LAMP2: variants seen among roughly 807,000 people sequenced by gnomAD.
LAMP2 encodes the protein lysosome associated membrane protein 2, also known as lysosome-associated membrane glycoprotein 2.
In LAMP2, 4 loss-of-function variants were observed where a neutral mutation model predicts 25.6. The observed-to-expected ratio is 0.16, with a 90% CI of 0.08 to 0.36. LAMP2 has a LOEUF of 0.36. Among genes scored for constraint, LAMP2 ranks in the 10% least tolerant of loss-of-function variants. The pLI is 1.00. For missense variants in LAMP2, 272 were observed against 301.4 expected, an observed-to-expected ratio of 0.90 and a Z score of 0.72; for synonymous variants, 108 against 112.7, an observed-to-expected ratio of 0.96 and a Z score of 0.27.
chrX:120,448,930 T>C (rs2058609579), intron 4 of LAMP2, 40 bp downstream of exon 4: 8 of 1,152,783 alleles, frequency 6.9e-6, no homozygotes, highest in Non-Finnish European at 9.5e-6. Flanking sequence ...ACTCTACTCT[T>C]AAATTAGGAT....
chrX:120,451,895 C>T (rs2058622822), intron 3 of LAMP2, among the ~76,000 whole-genome samples: 1 of 112,129 alleles, frequency 8.9e-6, no homozygotes, highest in South Asian at 3.7e-4. Flanking sequence ...AAAAAGTAAT[C>T]CTCCCTTTGT....
intron 8 of LAMP2, among the ~76,000 whole-genome samples, chrX:120,434,683 C>A (rs1316491874): frequency 1.8e-5 from 2 of 111,988 alleles, no homozygotes; most frequent in Non-Finnish European, 3.8e-5. Context: ...TCCATGGCCA[C>A]TAAAATTTCA....
At chrX:120,464,450 A>G (rs1344716648) in intron 1 of LAMP2, among the ~76,000 whole-genome samples, 1 of 111,746 alleles carries the variant, frequency 8.9e-6, no homozygotes, top group Non-Finnish European at 1.9e-5. Context: ...AGTACATAAG[A>G]TCGTCTCTGC....
chrX:120,453,299 G>A (rs1348866905), intron 3 of LAMP2, among the ~76,000 whole-genome samples: 2 of 111,672 alleles, frequency 1.8e-5, no homozygotes, highest in African/African-American at 3.3e-5. Context: ...CAAATTTTAC[G>A]TGAGCTTATT....
intron 8 of LAMP2, among the ~76,000 whole-genome samples, chrX:120,431,861 C>A (rs1321291574): frequency 8.9e-6 from 1 of 112,070 alleles, no homozygotes; most frequent in Non-Finnish European, 1.9e-5. Flanking sequence ...TATTAACTCA[C>A]TGAATGAACA....
At chrX:120,448,129 GT>G (rs1273686089) in intron 4 of LAMP2, 104 bp from the exon 5 acceptor site, 5 of 666,626 alleles carry the variant, frequency 7.5e-6, no homozygotes, top group Non-Finnish European at 1.2e-5. Context: ...GTCCAAAAGG[GT>G]TATATTAGGG....
chrX:120,433,556 T>C (rs1264556943), intron 8 of LAMP2, among the ~76,000 whole-genome samples: 1 of 111,226 alleles, frequency 9.0e-6, no homozygotes, highest in South Asian at 3.8e-4. Context: ...CAATCTGGGG[T>C]CACTTAGTAA....
Position 120,429,161 on chromosome X carries a change from C to T in LAMP2, c.*2162G>A, listed in dbSNP as rs767123866. On this transcript the variant is annotated 3_prime_UTR_variant, in exon 9 of 9. Coordinates refer to ENST00000200639, the MANE Select transcript of LAMP2 (RefSeq NM_002294.3). The stretch of plus-strand genomic sequence containing the variant: ...GTGTATATATATGTGTGTGTGTGTA[C>T]ATATATATATATATACACACACACA... The T allele has an allele frequency of 1.9e-3, 1,245 of 644,253 alleles. 13 individuals carry two copies. In the African/African-American group the frequency reaches 0.033, roughly 17 times the overall value. 53.1% of individuals were successfully genotyped at this position (644,253 alleles called of 1,213,427 possible).
At chrX:120,437,511 C>T (rs2058550812) in intron 8 of LAMP2, 1 of 748,800 alleles carries the variant, frequency 1.3e-6, no homozygotes, top group African/African-American at 2.3e-5. Flanking sequence ...CCAACACACA[C>T]CAAAAAAGTT....
Position 120,428,592 on chromosome X carries a change from A to G in LAMP2, c.*2731T>C. On this transcript the variant is annotated 3_prime_UTR_variant, in exon 9 of 9. Transcript: ENST00000200639. ...CCACACCCACTGCAACAGGAATAAG[A>G]AAGTTGAGGTCAGAGTCAGCAGAAC... The G allele has an allele frequency of 8.3e-7, 1 of 1,198,557 alleles. No individual in the cohort carries two copies. Among genetic ancestry groups the G allele is most frequent in the Non-Finnish European group, 1.1e-6 (1 of 889,279 alleles).
rs1360650138 is a variant in LAMP2, at chrX:120,428,415, T to C, written c.*2908A>G. On this transcript the variant is annotated 3_prime_UTR_variant, in exon 9 of 9. Transcript: ENST00000200639. ...CTTAAACAATCTATTGCACAGCATG[T>C]CCTGGCTTTTAGCCAATGGAAACGT... 1.8e-6 allele frequency: 2 copies of C among 1,119,817 alleles called. No homozygotes were observed. The highest frequency in any genetic ancestry group is 3.8e-5 in the African/African-American group (2 of 53,173). 92.3% of individuals were successfully genotyped at this position (1,119,817 alleles called of 1,213,427 possible).
At chrX:120,436,170 A>ACACACTCT (rs1251901451) in intron 8 of LAMP2, among the ~76,000 whole-genome samples, 92 of 57,289 alleles carry the variant, frequency 1.6e-3, no homozygotes, top group African/African-American at 4.4e-3. Context: ...ACACACACAC[A>ACACACTCT]CTCTCTCTCT....
At position 120,426,899 on chromosome X, in the gene LAMP2, T is replaced by C. The variant is rs1020326522; in HGVS notation, c.*4424A>G. ...GAGCTATAGAGTTCTAGAGGAGTTGTAGTTGAGCAATCTAACTTTCTACTC... is the reference window on the plus strand; with the variant it reads ...GAGCTATAGAGTTCTAGAGGAGTTGCAGTTGAGCAATCTAACTTTCTACTC... On this transcript the variant is annotated 3_prime_UTR_variant, in exon 9 of 9. Transcript: ENST00000200639. 2.7e-5 allele frequency among the ~76,000 whole-genome samples: 3 copies of C among 112,583 alleles called. No individual in the cohort carries two copies. The highest frequency in any genetic ancestry group is 9.4e-5 in the Admixed American group (1 of 10,622).
In LAMP2 at chrX:120,429,146, A is replaced by ATG. The variant is rs1343759570; in HGVS notation, c.*2175_*2176dup. The ATG allele has an allele frequency of 3.5e-5, 24 of 678,109 alleles. No homozygotes were observed. Among genetic ancestry groups the ATG allele is most frequent in the African/African-American group, 1.9e-4 (7 of 36,111 alleles). 55.9% of individuals were successfully genotyped at this position (678,109 alleles called of 1,213,427 possible). On this transcript the variant is annotated 3_prime_UTR_variant, in exon 9 of 9. Transcript: ENST00000200639. The stretch of plus-strand genomic sequence containing the variant: ...TATATATATGTGTGTGTGTATATAT[A>ATG]TGTGTGTGTGTGTACATATATATAT...
At chrX:120,441,572 T>C (rs961600607) in intron 8 of LAMP2, among the ~76,000 whole-genome samples, 158 bp downstream of exon 8, 4 of 112,476 alleles carry the variant, frequency 3.6e-5, no homozygotes, top group Admixed American at 9.4e-5. Context: ...AACATCTCGG[T>C]TGAGCAAAAT....
rs747301460 is a variant in LAMP2, at chrX:120,431,417, G to A, written c.1139C>T (p.Ala380Val). ...ADDDNFLVPI[A>V]VGAALAGVLI... is the part of the protein sequence containing the mutation. ...TACTCCTGCCAAGGCAGCTCCCACC[G>A]CTATGGGCACAAGGAAGTTGTCGTC... The change falls in exon 9 of 9, where the codon GCG becomes GTG. Residue 380 changes from alanine to valine, a missense_variant. Transcript: ENST00000200639. 9.1e-6 allele frequency: 11 copies of A among 1,209,388 alleles called. No individual in the cohort carries two copies. Among genetic ancestry groups the A allele is most frequent in the Admixed American group, 8.7e-5 (4 of 45,789 alleles).
rs768271470 is a variant in LAMP2 at position 120,441,648 on chromosome X, G to A, written c.1093+82C>T. ...TGAATTCATATTCCTCTATTTCAAC[G>A]TTTAAATGTCTATGATTCAAAGGAA... On this transcript the variant is annotated intron_variant, in intron 8 of 8. Transcript: ENST00000200639. 3.0e-5 allele frequency: 25 copies of A among 840,242 alleles called. No homozygotes were observed. The East Asian group carries it at 5.3e-4, about 18-fold the overall frequency. The allele number at this position is 840,242 out of a possible 1,213,427, so 69.2% of individuals were successfully genotyped here. A position where few individuals can be genotyped will look rare whatever the true frequency, so the allele number is the denominator to read the frequency against.
intron 8 of LAMP2, among the ~76,000 whole-genome samples, chrX:120,436,170 A>ACACACACACACACACACACTCT (rs1251901451): frequency 7.0e-5 from 4 of 57,305 alleles, no homozygotes; most frequent in African/African-American, 2.0e-4. Flanking sequence ...ACACACACAC[A>ACACACACACACACACACACTCT]CTCTCTCTCT....
rs962764576 is a variant in LAMP2 at position 120,430,660 on chromosome X, T to C, written c.*663A>G. On this transcript the variant is annotated 3_prime_UTR_variant, in exon 9 of 9. Coordinates refer to ENST00000200639, the MANE Select transcript of LAMP2 (RefSeq NM_002294.3). ...AATTACGAAGCCAGTTTAAGTTCTG[T>C]TGTAGCCTCTTGGGTCTGTATCATC... 18 of 751,432 alleles carry C rather than the reference T, an allele frequency of 2.4e-5. No homozygotes were observed. The highest frequency in any genetic ancestry group is 6.9e-5 in the African/African-American group (3 of 43,346). 61.9% of individuals were successfully genotyped at this position (751,432 alleles called of 1,213,427 possible). A position where few individuals can be genotyped will look rare whatever the true frequency, so the allele number is the denominator to read the frequency against.
Sources: gnomAD v4.1 joint callset for allele counts (sites outside exome capture counted in the v4.1 genomes callset) on GRCh38, gnomAD v4.1.1 for gene constraint, MANE v1.5 for transcripts, NCBI Gene and HGNC (gene_info 2026-07-23, HGNC 2026-07-21) for gene names.